CARMIL1: variants seen among roughly 807,000 people sequenced by gnomAD.
The protein encoded by CARMIL1 is capping protein regulator and myosin 1 linker 1.
CARMIL1 carries 90 observed loss-of-function variants against 177.1 expected under a neutral mutation model. The ratio of observed to expected loss-of-function variants is 0.51; its 90% CI spans 0.43 to 0.61. The LOEUF is 0.61. Ranked by LOEUF, CARMIL1 falls within the 20% of genes least tolerant of loss-of-function variation. CARMIL1 has a pLI of 0.00. For missense variants in CARMIL1, 1,380 were observed against 1,667.0 expected (o/e 0.83, Z 3.00); for synonymous variants, 577 against 606.2 (o/e 0.95, Z 0.71).
intron 26 of CARMIL1, among the ~76,000 whole-genome samples, chr6:25,544,652 A>C (rs962696011): frequency 6.7e-6 from 1 of 148,534 alleles, no homozygotes; most frequent in Non-Finnish European, 1.5e-5. Flanking sequence ...CACACCCCAA[A>C]CACTAAAGGA....
At chr6:25,591,798 G>C in intron 31 of CARMIL1, among the ~76,000 whole-genome samples, 1 of 152,098 alleles carries the variant, frequency 6.6e-6, no homozygotes, top group East Asian at 1.9e-4. Flanking sequence ...TCTGCTCTCT[G>C]TCTCTTTATC....
At chr6:25,363,320 T>C (rs956375560) in intron 2 of CARMIL1, among the ~76,000 whole-genome samples, 1 of 152,148 alleles carries the variant, frequency 6.6e-6, no homozygotes, top group East Asian at 1.9e-4. Flanking sequence ...ACCATGTATT[T>C]ATTTATTTAG....
chr6:25,450,219 C>T (rs999686929), intron 6 of CARMIL1, 120 bp from the exon 7 acceptor site: 1 of 780,342 alleles, frequency 1.3e-6, no homozygotes, highest in South Asian at 1.6e-5. Flanking sequence ...TTGCTGTTTT[C>T]CCCCCTAAAA....
intron 2 of CARMIL1, among the ~76,000 whole-genome samples, chr6:25,303,923 G>A (rs982756577): frequency 1.1e-4 from 16 of 152,190 alleles, no homozygotes; most frequent in African/African-American, 3.9e-4. Context: ...CTTCATCATT[G>A]GGTTTGACTT....
chr6:25,451,051 C>T (rs78350161), intron 8 of CARMIL1, among the ~76,000 whole-genome samples: 1,993 of 124,516 alleles, frequency 0.016, 27 homozygotes, highest in African/African-American at 0.024. Context: ...TCTGTTGGCA[C>T]TTAGGGCTGT....
chr6:25,407,458 C>T (rs1175314428), intron 2 of CARMIL1, among the ~76,000 whole-genome samples: 9 of 152,166 alleles, frequency 5.9e-5, no homozygotes, highest in Non-Finnish European at 1.2e-4. Flanking sequence ...GGTACAGCTG[C>T]AGATGCAGGC....
At chr6:25,387,114 C>CAAAAAACAAAA (rs1554184054) in intron 2 of CARMIL1, among the ~76,000 whole-genome samples, 1 of 101,964 alleles carries the variant, frequency 9.8e-6, no homozygotes, top group African/African-American at 4.4e-5. Context: ...ACTCTGTCTC[C>CAAAAAACAAAA]AAAAAAAAAA....
intron 2 of CARMIL1, among the ~76,000 whole-genome samples, chr6:25,407,864 C>T (rs1161118607): frequency 6.6e-6 from 1 of 152,164 alleles, no homozygotes; most frequent in Admixed American, 6.5e-5. Flanking sequence ...ATGAGTGCTT[C>T]TCCAACTGTA....
chr6:25,329,593 G>A (rs568002636), intron 2 of CARMIL1, among the ~76,000 whole-genome samples: 6 of 152,306 alleles, frequency 3.9e-5, no homozygotes, highest in Non-Finnish European at 5.9e-5. Flanking sequence ...GACATTGCTG[G>A]TATTCAGACC....
chr6:25,369,379 G>GTTTTT (rs5875032), intron 2 of CARMIL1, among the ~76,000 whole-genome samples: 2 of 140,844 alleles, frequency 1.4e-5, no homozygotes, highest in Non-Finnish European at 3.0e-5. Context: ...GCTGTATTTT[G>GTTTTT]TTTTTTTTTT....
intron 2 of CARMIL1, among the ~76,000 whole-genome samples, chr6:25,404,774 A>G (rs9467499): frequency 0.45 from 66,811 of 148,666 alleles, 15,140 homozygotes; most frequent in Middle Eastern, 0.6. Context: ...AAAAAAAAAT[A>G]GAGGTGCAGT....
At chr6:25,284,398 A>G (rs1014804375) in intron 1 of CARMIL1, among the ~76,000 whole-genome samples, 1 of 152,206 alleles carries the variant, frequency 6.6e-6, no homozygotes, top group African/African-American at 2.4e-5. Context: ...TAACCATCCA[A>G]CTTGTTAAAA....
intron 29 of CARMIL1, 54 bp downstream of exon 29, chr6:25,556,904 GTTTTTTTTT>G: frequency 1.8e-6 from 2 of 1,129,366 alleles, no homozygotes; most frequent in Non-Finnish European, 2.4e-6. Flanking sequence ...CTGTGCCATT[GTTTTTTTTT>G]TTTTTTTTAA....
chr6:25,508,363 C>G (rs1341868679), intron 17 of CARMIL1, among the ~76,000 whole-genome samples: 2 of 152,156 alleles, frequency 1.3e-5, no homozygotes, highest in Non-Finnish European at 2.9e-5. Context: ...CTGTGTAATA[C>G]TCTACTTCAG....
chr6:25,444,708 C>T (rs1457868541), intron 5 of CARMIL1, among the ~76,000 whole-genome samples: 1 of 152,096 alleles, frequency 6.6e-6, no homozygotes, highest in Non-Finnish European at 1.5e-5. Flanking sequence ...TGAATTCATC[C>T]TTTTTTATGG....
At chr6:25,435,788 G>A (rs1416887158) in intron 5 of CARMIL1, among the ~76,000 whole-genome samples, 184 bp downstream of exon 5, 1 of 152,050 alleles carries the variant, frequency 6.6e-6, no homozygotes, top group Admixed American at 6.6e-5. Flanking sequence ...ATTTCTACAG[G>A]GCTGTGTCTT....
At chr6:25,369,553 C>A (rs1310555213) in intron 2 of CARMIL1, among the ~76,000 whole-genome samples, 1 of 152,070 alleles carries the variant, frequency 6.6e-6, no homozygotes, top group Non-Finnish European at 1.5e-5. Flanking sequence ...CATCTGCCAC[C>A]TCTCACCACT....
At chr6:25,450,536 A>G (rs1798681684) in intron 7 of CARMIL1, 102 bp from the exon 8 acceptor site, 3 of 1,098,768 alleles carry the variant, frequency 2.7e-6, no homozygotes, top group Non-Finnish European at 4.1e-6. Flanking sequence ...TTCTCAGATT[A>G]CATAAAAACC....
At chr6:25,519,810 T>C (rs441472) in intron 22 of CARMIL1, among the ~76,000 whole-genome samples, 33,205 of 152,176 alleles carry the variant, frequency 0.22, 4,164 homozygotes, top group African/African-American at 0.34. Flanking sequence ...TTTTTTCCTT[T>C]ACCAGTTTGG....
Sources: gnomAD v4.1 joint callset for allele counts (sites outside exome capture counted in the v4.1 genomes callset) on GRCh38, gnomAD v4.1.1 for gene constraint, MANE v1.5 for transcripts, NCBI Gene and HGNC (gene_info 2026-07-23, HGNC 2026-07-21) for gene names.